Variants in GRM7 observed in about 807,000 individuals in gnomAD.
GRM7 encodes metabotropic glutamate receptor 7.
GRM7 carries 35 observed loss-of-function variants against 84.5 expected under a neutral mutation model. The ratio of observed to expected loss-of-function variants is 0.41; its 90% CI spans 0.32 to 0.55. The LOEUF (loss-of-function observed/expected upper bound fraction) is 0.55. Among genes scored for constraint, GRM7 ranks in the 20% least tolerant of loss-of-function variants. GRM7 has a pLI of 0.19. For missense variants in GRM7, 1,003 were observed against 1,194.6 expected, an observed-to-expected ratio of 0.84 and a Z score of 2.36; for synonymous variants, 487 against 455.1, an observed-to-expected ratio of 1.07 and a Z score of -0.89.
chr3:7,591,981 G>C (rs921032800), intron 8 of GRM7, among the ~76,000 whole-genome samples: 2 of 151,984 alleles, frequency 1.3e-5, no homozygotes, highest in African/African-American at 4.8e-5. Context: ...GATCTTTCTG[G>C]GTTTCAGTTT....
intron 7 of GRM7, 131 bp downstream of exon 7, chr3:7,461,853 C>T (rs1254195584): frequency 1.2e-5 from 9 of 773,636 alleles, no homozygotes; most frequent in African/African-American, 3.4e-5. Flanking sequence ...TTGTTGTGGG[C>T]ATCAGCAGGA....
chr3:7,278,838 A>G (rs1699162299), intron 2 of GRM7, among the ~76,000 whole-genome samples: 1 of 152,214 alleles, frequency 6.6e-6, no homozygotes, highest in Non-Finnish European at 1.5e-5. Flanking sequence ...GGATAGATAC[A>G]AACTAAGTAA....
At chr3:7,172,302 T>C (rs975675829) in intron 2 of GRM7, among the ~76,000 whole-genome samples, 1 of 152,140 alleles carries the variant, frequency 6.6e-6, no homozygotes, top group African/African-American at 2.4e-5. Context: ...ATAAACCACA[T>C]TCCTCTAGGT....
chr3:7,365,645 G>GTGTATATATATATATATA (rs1693850137), intron 4 of GRM7, among the ~76,000 whole-genome samples: 1 of 123,870 alleles, frequency 8.1e-6, no homozygotes, highest in African/African-American at 3.3e-5. Flanking sequence ...GTGTGCGTGT[G>GTGTATATATATATATATA]TGTATATATA....
At chr3:7,607,630 A>C (rs1696644115) in intron 8 of GRM7, 1 of 151,992 alleles carries the variant, frequency 6.6e-6, no homozygotes, top group South Asian at 2.1e-4. Flanking sequence ...CCACTGTTGC[A>C]CAGAGAAAAT....
intron 1 of GRM7, among the ~76,000 whole-genome samples, chr3:6,907,786 A>G (rs549936991): frequency 1.3e-5 from 2 of 152,188 alleles, no homozygotes; most frequent in African/African-American, 4.8e-5. Context: ...AATATAGGAC[A>G]TTATTTAGAA....
chr3:7,404,008 G>A (rs1034176686), intron 4 of GRM7, among the ~76,000 whole-genome samples: 1 of 151,952 alleles, frequency 6.6e-6, no homozygotes, highest in Non-Finnish European at 1.5e-5. Flanking sequence ...GAATCACCTG[G>A]GAAGCTAAAA....
intron 2 of GRM7, among the ~76,000 whole-genome samples, chr3:7,297,020 C>G (rs752910081): frequency 3.0e-4 from 46 of 151,768 alleles, no homozygotes; most frequent in Non-Finnish European, 3.4e-4. Flanking sequence ...TTTGCTTTAC[C>G]TTTTATTATG....
chr3:7,575,311 G>A (rs1694906466), intron 7 of GRM7, among the ~76,000 whole-genome samples: 1 of 152,198 alleles, frequency 6.6e-6, no homozygotes, highest in Non-Finnish European at 1.5e-5. Flanking sequence ...TGAAGATGAT[G>A]ATAAACACAT....
At chr3:7,467,304 G>A (rs1469071497) in intron 7 of GRM7, among the ~76,000 whole-genome samples, 1 of 152,142 alleles carries the variant, frequency 6.6e-6, no homozygotes, top group Non-Finnish European at 1.5e-5. Context: ...AGCCAGGATG[G>A]TCTTGATCTG....
intron 1 of GRM7, among the ~76,000 whole-genome samples, chr3:6,923,615 T>G (rs1367324802): frequency 6.6e-6 from 1 of 151,822 alleles, no homozygotes; most frequent in Middle Eastern, 3.4e-3. Flanking sequence ...TATGATAGGG[T>G]TTTTTTCCCC....
At chr3:7,463,739 G>A (rs1055859554) in intron 7 of GRM7, among the ~76,000 whole-genome samples, 1 of 152,166 alleles carries the variant, frequency 6.6e-6, no homozygotes, top group Non-Finnish European at 1.5e-5. Flanking sequence ...GATTTAATCA[G>A]CAAGGAAAAT....
chr3:7,080,004 T>A (rs886517094), intron 1 of GRM7, among the ~76,000 whole-genome samples: 10 of 152,144 alleles, frequency 6.6e-5, no homozygotes, highest in African/African-American at 2.2e-4. Flanking sequence ...TTTTCCTTAA[T>A]ACAGTCACCT....
intron 1 of GRM7, among the ~76,000 whole-genome samples, chr3:7,018,573 G>A (rs1453186755): frequency 6.6e-6 from 1 of 152,228 alleles, no homozygotes; most frequent in Non-Finnish European, 1.5e-5. Flanking sequence ...CCCTTGCAGA[G>A]GCATCAAAGA....
At chr3:6,971,714 T>C (rs1293529748) in intron 1 of GRM7, among the ~76,000 whole-genome samples, 2 of 152,198 alleles carry the variant, frequency 1.3e-5, no homozygotes, top group East Asian at 3.9e-4. Context: ...TTTTTCTTCC[T>C]GTACAGTTTA....
chr3:7,206,389 A>G (rs558084183), intron 2 of GRM7, among the ~76,000 whole-genome samples: 6 of 152,306 alleles, frequency 3.9e-5, no homozygotes, highest in South Asian at 4.1e-4. Context: ...AATTAGGCAA[A>G]CCAATTTATT....
intron 2 of GRM7, among the ~76,000 whole-genome samples, chr3:7,175,385 C>G (rs192784309): frequency 4.6e-5 from 7 of 152,278 alleles, no homozygotes; most frequent in Admixed American, 1.3e-4. Context: ...TTGGCTGACT[C>G]CATTGTCATG....
intron 7 of GRM7, among the ~76,000 whole-genome samples, chr3:7,542,858 T>A (rs533670394): frequency 4.0e-4 from 61 of 152,176 alleles, no homozygotes; most frequent in Non-Finnish European, 8.1e-4. Context: ...TGCGTAGCAA[T>A]TTTTAGTTAT....
At chr3:7,283,853 G>T (rs1699336875) in intron 2 of GRM7, among the ~76,000 whole-genome samples, 1 of 152,094 alleles carries the variant, frequency 6.6e-6, no homozygotes, top group Non-Finnish European at 1.5e-5. Flanking sequence ...AATAAATGGG[G>T]TTTCTGGCCC....
Sources: gnomAD v4.1 joint callset for allele counts (sites outside exome capture counted in the v4.1 genomes callset) on GRCh38, gnomAD v4.1.1 for gene constraint, MANE v1.5 for transcripts, NCBI Gene and HGNC (gene_info 2026-07-23, HGNC 2026-07-21) for gene names.